The following FNDC3B variants were observed in gnomAD, a reference collection of about 807,000 sequenced individuals.
FNDC3B encodes the protein fibronectin type III domain containing 3B, also known as fibronectin type III domain-containing protein 3B.
Under a neutral mutation model 151.5 loss-of-function variants are expected in FNDC3B, and 12 were observed. The observed-to-expected ratio is 0.08, with a 90% CI of 0.05 to 0.13. The LOEUF is 0.13. Ranked by LOEUF, FNDC3B falls within the 10% of genes least tolerant of loss-of-function variation. The pLI, the probability that FNDC3B is intolerant of heterozygous loss-of-function variation, is 1.00. For synonymous variants in FNDC3B, 528 were observed against 549.0 expected (o/e 0.96, Z 0.54); for missense variants, 1,214 against 1,505.3 (o/e 0.81, Z 3.20).
chr3:172,118,305 C>T (rs1047873853), intron 2 of FNDC3B, among the ~76,000 whole-genome samples: 7 of 152,136 alleles, frequency 4.6e-5, no homozygotes, highest in South Asian at 2.1e-4. Flanking sequence ...TGATGGCTTC[C>T]GTCTTGCATT....
chr3:172,104,057 G>A (rs1285981940), intron 1 of FNDC3B, among the ~76,000 whole-genome samples: 2 of 152,184 alleles, frequency 1.3e-5, no homozygotes, highest in Non-Finnish European at 2.9e-5. Context: ...TCAGCACTGT[G>A]TGCTCAATAC....
At chr3:172,092,534 G>C (rs967370235) in intron 1 of FNDC3B, among the ~76,000 whole-genome samples, 4 of 152,138 alleles carry the variant, frequency 2.6e-5, no homozygotes, top group Non-Finnish European at 2.9e-5. Flanking sequence ...CATAATTTCA[G>C]GTATGGGAGA....
chr3:172,205,481 G>A (rs1421174767), intron 3 of FNDC3B, among the ~76,000 whole-genome samples: 2 of 152,190 alleles, frequency 1.3e-5, no homozygotes, highest in Admixed American at 6.5e-5. Context: ...TTTTACAGGT[G>A]AGGAAACCAA....
intron 14 of FNDC3B, among the ~76,000 whole-genome samples, chr3:172,334,168 G>A (rs1198992045): frequency 6.6e-6 from 1 of 152,174 alleles, no homozygotes; most frequent in Non-Finnish European, 1.5e-5. Context: ...ATCAAGTGCA[G>A]TGTGTGACTA....
At chr3:172,231,772 T>G (rs115718417) in intron 4 of FNDC3B, among the ~76,000 whole-genome samples, 55,925 of 151,720 alleles carry the variant, frequency 0.37, 11,453 homozygotes, top group African/African-American at 0.56. Flanking sequence ...GTCCTGATGA[T>G]TTTTATTGCT....
At chr3:172,239,544 A>G (rs1268172768) in intron 4 of FNDC3B, among the ~76,000 whole-genome samples, 2 of 152,088 alleles carry the variant, frequency 1.3e-5, no homozygotes, top group Admixed American at 6.5e-5. Context: ...TTGTGGGTTC[A>G]TATGTGTCCA....
chr3:172,072,733 T>A (rs1334776235), intron 1 of FNDC3B, among the ~76,000 whole-genome samples: 2 of 152,158 alleles, frequency 1.3e-5, no homozygotes, highest in Admixed American at 6.5e-5. Context: ...AAGCAGCCAT[T>A]AAGAAGCAAG....
intron 6 of FNDC3B, among the ~76,000 whole-genome samples, chr3:172,252,021 A>G (rs1489946326): frequency 6.6e-6 from 1 of 152,156 alleles, no homozygotes; most frequent in Non-Finnish European, 1.5e-5. Context: ...ATTGTCTCAT[A>G]CCACCTTTTG....
At chr3:172,043,091 T>A (rs975351532) in intron 1 of FNDC3B, among the ~76,000 whole-genome samples, 3 of 152,088 alleles carry the variant, frequency 2.0e-5, no homozygotes, top group African/African-American at 7.2e-5. Context: ...ATTTTTTGTA[T>A]TTTTTAGTAG....
Position 172,330,529 on chromosome 3 carries a change from C to A in FNDC3B, c.1380-12C>A. 6.2e-7 allele frequency: 1 copy of A among 1,603,438 alleles called. No individual in the cohort carries two copies. The highest frequency in any genetic ancestry group is 8.5e-7 in the Non-Finnish European group (1 of 1,173,016). ...TGCTTCTAACTGTGTGCCTCACTTTCTTTCTCTACAGTGGTTATAGCCAAG... is the reference window on the plus strand; with the variant it reads ...TGCTTCTAACTGTGTGCCTCACTTTATTTCTCTACAGTGGTTATAGCCAAG... On this transcript the variant is annotated splice_polypyrimidine_tract_variant and intron_variant, in intron 12 of 25. Coordinates refer to ENST00000415807, the MANE Select transcript of FNDC3B (RefSeq NM_022763.4).
At chr3:172,267,310 C>T (rs1576855106) in intron 6 of FNDC3B, among the ~76,000 whole-genome samples, 1 of 152,128 alleles carries the variant, frequency 6.6e-6, no homozygotes, top group Admixed American at 6.5e-5. Context: ...CATGTGCCAC[C>T]ATGCCTGGCT....
At chr3:172,383,998 T>C (rs1367427802) in intron 25 of FNDC3B, among the ~76,000 whole-genome samples, 3 of 62,152 alleles carry the variant, frequency 4.8e-5, no homozygotes, top group Non-Finnish European at 9.6e-5. Context: ...TCTGAAACAG[T>C]AGCATAATTT....
chr3:172,155,601 C>T (rs1401087103), intron 3 of FNDC3B, among the ~76,000 whole-genome samples: 5 of 152,208 alleles, frequency 3.3e-5, no homozygotes. Context: ...GTGTTTTCCC[C>T]TTTCCTGGAA....
intron 3 of FNDC3B, among the ~76,000 whole-genome samples, chr3:172,187,664 C>A (rs1190904705): frequency 6.6e-6 from 1 of 152,128 alleles, no homozygotes; most frequent in East Asian, 1.9e-4. Context: ...TTTTTTCCCC[C>A]TCTTTTGGAG....
intron 4 of FNDC3B, among the ~76,000 whole-genome samples, chr3:172,230,062 A>G (rs1726806634): frequency 6.6e-6 from 1 of 152,214 alleles, no homozygotes; most frequent in African/African-American, 2.4e-5. Context: ...AAAACTTGAG[A>G]TACAAAATTT....
intron 4 of FNDC3B, among the ~76,000 whole-genome samples, chr3:172,234,510 T>TGTTC (rs1457350059): frequency 6.6e-6 from 1 of 152,252 alleles, no homozygotes; most frequent in Non-Finnish European, 1.5e-5. Flanking sequence ...TATTCTCCTC[T>TGTTC]GTTCATATTA....
At chr3:172,212,492 C>T (rs1725781171) in intron 3 of FNDC3B, among the ~76,000 whole-genome samples, 2 of 152,294 alleles carry the variant, frequency 1.3e-5, no homozygotes, top group South Asian at 4.1e-4. Flanking sequence ...TGGGGAGAAG[C>T]AGACTCTGAA....
intron 2 of FNDC3B, among the ~76,000 whole-genome samples, chr3:172,116,295 C>A (rs1321833918): frequency 6.6e-6 from 1 of 152,168 alleles, no homozygotes; most frequent in Non-Finnish European, 1.5e-5. Context: ...ATACCATTCA[C>A]CCACTGAAAG....
At chr3:172,204,275 C>T (rs1725314914) in intron 3 of FNDC3B, among the ~76,000 whole-genome samples, 1 of 152,158 alleles carries the variant, frequency 6.6e-6, no homozygotes, top group African/African-American at 2.4e-5. Flanking sequence ...GGAGACGCTT[C>T]TTAAGGAGAG....
Sources: gnomAD v4.1 joint callset for allele counts (sites outside exome capture counted in the v4.1 genomes callset) on GRCh38, gnomAD v4.1.1 for gene constraint, MANE v1.5 for transcripts, NCBI Gene and HGNC (gene_info 2026-07-23, HGNC 2026-07-21) for gene names.